THAP6: variants seen among roughly 807,000 people sequenced by gnomAD.
THAP6 encodes THAP domain-containing protein 6.
A neutral mutation model predicts 20.0 loss-of-function variants in THAP6; 13 were observed. The ratio of observed to expected loss-of-function variants is 0.65; its 90% confidence interval spans 0.42 to 1.03. The LOEUF is 1.03. THAP6 is among the 50% of genes least tolerant of loss of function. The pLI is 0.00. For missense variants in THAP6, 262 were observed against 261.6 expected, an observed-to-expected ratio of 1.00 and a Z score of -0.01; for synonymous variants, 93 against 92.2, an observed-to-expected ratio of 1.01 and a Z score of -0.05.
Position 75,529,855 on chromosome 4 carries a change from CT to C in THAP6, c.*2644del, listed in dbSNP as rs1407761621. On this transcript the variant is annotated 3_prime_UTR_variant, in exon 5 of 5. Transcript: ENST00000311638. ...TCAAGTTTAAATTTCTGGAAATAGA[CT>C]TTGGTTGCTAATGACAATTACAGTT... The C allele has an allele frequency of 1.2e-5, 12 of 985,030 alleles. No homozygotes were observed. The highest frequency in any genetic ancestry group is 1.4e-5 in the Non-Finnish European group (12 of 829,776). 61.0% of individuals were successfully genotyped at this position (985,030 alleles called of 1,614,324 possible). A position where few individuals can be genotyped will look rare whatever the true frequency, so the allele number is the denominator to read the frequency against.
At chr4:75,514,192 G>A (rs767669621), upstream of THAP6, 2 of 1,606,812 alleles carry the variant, frequency 1.2e-6, no homozygotes, top group East Asian at 2.2e-5. Context: ...CATAGAAGGC[G>A]TCACCTTTAG....
intron 3 of THAP6, 144 bp from the exon 4 acceptor site, chr4:75,521,592 G>C: frequency 1.2e-6 from 1 of 826,074 alleles, no homozygotes; most frequent in South Asian, 2.6e-5. Context: ...AAAATTATCT[G>C]GGTGGAATTT....
At chr4:75,516,310 C>T (rs1470225106) in intron 2 of THAP6, among the ~76,000 whole-genome samples, 1 of 152,192 alleles carries the variant, frequency 6.6e-6, no homozygotes. Context: ...ATTCACTAAG[C>T]ATCTGTAGAC....
At chr4:75,544,937 A>G (rs955049778) in intron 3 of THAP6, among the ~76,000 whole-genome samples, 1 of 152,144 alleles carries the variant, frequency 6.6e-6, no homozygotes, top group Non-Finnish European at 1.5e-5. Context: ...CCTACTATAG[A>G]AATTAAAATC....
At chr4:75,514,029 T>C (rs1725256547), upstream of THAP6, 3 of 1,058,624 alleles carry the variant, frequency 2.8e-6, no homozygotes, top group Non-Finnish European at 2.6e-6. Context: ...GTGGGGCTTA[T>C]CGCCTTGCCA....
chr4:75,519,676 G>A (rs1725890354), intron 3 of THAP6, among the ~76,000 whole-genome samples: 1 of 152,022 alleles, frequency 6.6e-6, no homozygotes, highest in Admixed American at 6.5e-5. Context: ...TTTTATGGCT[G>A]CATAGTATTC....
intron 2 of THAP6, chr4:75,540,011 G>T: frequency 6.6e-7 from 1 of 1,520,790 alleles, no homozygotes; most frequent in Non-Finnish European, 8.8e-7. Context: ...CAGCTCAGAA[G>T]CAGGCAAGGA....
At chr4:75,516,727 G>A (rs1319093375) in intron 2 of THAP6, 45 bp from the exon 3 acceptor site, 2 of 1,531,776 alleles carry the variant, frequency 1.3e-6, no homozygotes, top group South Asian at 1.2e-5. Flanking sequence ...CAATTATATA[G>A]CAATAGTATT....
In THAP6 at chr4:75,528,618, T is replaced by G. The variant is rs1726522490; in HGVS notation, c.*1404T>G. The G allele has an allele frequency of 1.0e-6, 1 of 984,762 alleles. No homozygotes were observed. Among genetic ancestry groups the G allele is most frequent in the Admixed American group, 6.1e-5 (1 of 16,272 alleles). The allele number at this position is 984,762 out of a possible 1,614,324, so 61.0% of individuals were successfully genotyped here. A position where few individuals can be genotyped will look rare whatever the true frequency, so the allele number is the denominator to read the frequency against. ...TAAGAATTTTCTGTTTTAATGCATGTTATACTTTTATGTAGGATTCCAAAC... is the reference window on the plus strand; with the variant it reads ...TAAGAATTTTCTGTTTTAATGCATGGTATACTTTTATGTAGGATTCCAAAC... On this transcript the variant is annotated 3_prime_UTR_variant, in exon 5 of 5. Transcript: ENST00000311638.
chr4:75,542,339 A>G, intron 2 of THAP6: 2 of 674,926 alleles, frequency 3.0e-6, no homozygotes, highest in South Asian at 3.2e-5. Flanking sequence ...TCTGGGAAGT[A>G]TTGCATGCTC....
chr4:75,516,131 A>G (rs1049614669), intron 2 of THAP6, among the ~76,000 whole-genome samples: 2 of 152,222 alleles, frequency 1.3e-5, no homozygotes, highest in African/African-American at 4.8e-5. Flanking sequence ...AAGATCTCCT[A>G]GCTATTTTGT....
At position 75,528,633 on chromosome 4, in the gene THAP6, G is replaced by A; in HGVS notation, c.*1419G>A. The A allele has an allele frequency of 1.0e-6, 1 of 984,908 alleles. No individual in the cohort carries two copies. The highest frequency in any genetic ancestry group is 1.2e-6 in the Non-Finnish European group (1 of 829,634). 61.0% of individuals were successfully genotyped at this position (984,908 alleles called of 1,614,324 possible). A position where few individuals can be genotyped will look rare whatever the true frequency, so the allele number is the denominator to read the frequency against. ...TTAATGCATGTTATACTTTTATGTA[G>A]GATTCCAAACCTTCCCTCTAAATGG... On this transcript the variant is annotated 3_prime_UTR_variant, in exon 5 of 5. Coordinates refer to ENST00000311638, the MANE Select transcript of THAP6 (RefSeq NM_144721.6).
chr4:75,538,373 C>G (rs933295144), intron 2 of THAP6, among the ~76,000 whole-genome samples: 4 of 147,288 alleles, frequency 2.7e-5, no homozygotes, highest in African/African-American at 1.0e-4. Context: ...GTTTCACAGC[C>G]TCAGTATTGT....
In THAP6 at chr4:75,529,620, C is replaced by G; in HGVS notation, c.*2406C>G. 6 of 985,380 alleles carry G rather than the reference C, an allele frequency of 6.1e-6. No homozygotes were observed. The highest frequency in any genetic ancestry group is 7.2e-6 in the Non-Finnish European group (6 of 829,944). 61.0% of individuals were successfully genotyped at this position (985,380 alleles called of 1,614,324 possible). A position where few individuals can be genotyped will look rare whatever the true frequency, so the allele number is the denominator to read the frequency against. On this transcript the variant is annotated 3_prime_UTR_variant, in exon 5 of 5. Transcript: ENST00000311638. Reference sequence around the variant, plus strand: ...AGTCCTCTGTTCCCAGAGATTCCACCCTAGCCCAGGAAAGAACTGGCCTGT... The same window carrying G: ...AGTCCTCTGTTCCCAGAGATTCCACGCTAGCCCAGGAAAGAACTGGCCTGT...
intron 2 of THAP6, chr4:75,539,864 C>T (rs1339061291): frequency 5.2e-6 from 8 of 1,535,776 alleles, no homozygotes; most frequent in Middle Eastern, 1.7e-4. Context: ...CCCAGAAACA[C>T]AGGAAAAGGA....
At chr4:75,538,979 A>T (rs1578282413) in intron 2 of THAP6, among the ~76,000 whole-genome samples, 1 of 152,218 alleles carries the variant, frequency 6.6e-6, no homozygotes, top group African/African-American at 2.4e-5. Context: ...AACCTAGCAC[A>T]TTCAACATTT....
chr4:75,542,137 A>G (rs577558528), intron 2 of THAP6, among the ~76,000 whole-genome samples: 3 of 152,260 alleles, frequency 2.0e-5, no homozygotes, highest in East Asian at 3.9e-4. Context: ...TGCCAGCCCA[A>G]CTATTTGAGA....
chr4:75,534,953 G>T (rs1726808741), downstream of THAP6, among the ~76,000 whole-genome samples: 1 of 152,156 alleles, frequency 6.6e-6, no homozygotes, highest in South Asian at 2.1e-4. Flanking sequence ...CACTGTTGGT[G>T]GGACTGTCAA....
At chr4:75,544,835 G>C (rs1407601474) in intron 3 of THAP6, among the ~76,000 whole-genome samples, 2 of 152,036 alleles carry the variant, frequency 1.3e-5, no homozygotes, top group Non-Finnish European at 2.9e-5. Flanking sequence ...AATTAACCAA[G>C]TGTTTTGCCC....
Sources: allele counts gnomAD v4.1 joint callset (sites outside exome capture counted in the v4.1 genomes callset), GRCh38; gene constraint gnomAD v4.1.1; transcripts MANE v1.5; gene names NCBI Gene and HGNC (gene_info 2026-07-23, HGNC 2026-07-21).